The following LRRC4C variants were observed in gnomAD, a reference collection of about 807,000 sequenced individuals.
LRRC4C encodes the protein leucine rich repeat containing 4C, also known as leucine-rich repeat-containing protein 4C.
Under a neutral mutation model 33.6 loss-of-function variants are expected in LRRC4C, and 5 were observed. That is an observed-to-expected ratio of 0.15 (90% CI 0.08 to 0.31). LRRC4C has a LOEUF of 0.31. Ranked by LOEUF, LRRC4C falls within the 10% of genes least tolerant of loss-of-function variation. The pLI, the probability that LRRC4C is intolerant of heterozygous loss-of-function variation, is 1.00. For synonymous variants in LRRC4C, 329 were observed against 302.0 expected, an observed-to-expected ratio of 1.09 and a Z score of -0.93; for missense variants, 560 against 796.7, an observed-to-expected ratio of 0.70 and a Z score of 3.58.
chr11:40,766,067 A>C (rs531735373), intron 2 of LRRC4C, among the ~76,000 whole-genome samples: 25 of 136,370 alleles, frequency 1.8e-4, no homozygotes, highest in African/African-American at 6.7e-4. Context: ...TAAAGAAAAG[A>C]TCCTAAAAGC....
At chr11:41,062,595 A>G (rs2135373930) in intron 1 of LRRC4C, among the ~76,000 whole-genome samples, 1 of 152,342 alleles carries the variant, frequency 6.6e-6, no homozygotes, top group East Asian at 1.9e-4. Context: ...ATGAGCAGAA[A>G]TGCACGGTCC....
At chr11:40,562,194 T>C (rs935270309) in intron 3 of LRRC4C, among the ~76,000 whole-genome samples, 5 of 152,220 alleles carry the variant, frequency 3.3e-5, no homozygotes, top group Non-Finnish European at 5.9e-5. Flanking sequence ...CCATGTTCCA[T>C]AACAAATGTT....
At chr11:40,675,126 G>C (rs888912869) in intron 2 of LRRC4C, among the ~76,000 whole-genome samples, 2 of 152,024 alleles carry the variant, frequency 1.3e-5, no homozygotes, top group Non-Finnish European at 2.9e-5. Context: ...ATTTAATGAA[G>C]CATGAATTTT....
In LRRC4C at chr11:40,859,831, C is replaced by T. The variant is rs372291598; in HGVS notation, c.-407+73804G>A. ...GTGGCTCACGCCTGTAATCCCAGCACTTTGGGAGGCCGAGGCGGGCGGATC... is the reference window on the plus strand; with the variant it reads ...GTGGCTCACGCCTGTAATCCCAGCATTTTGGGAGGCCGAGGCGGGCGGATC... On this transcript the variant is annotated intron_variant, in intron 2 of 6. Transcript: ENST00000528697. Among the ~76,000 whole-genome samples the T allele has an allele frequency of 1.8e-4, 28 of 152,276 alleles. No homozygotes were observed. In the South Asian group the frequency reaches 4.8e-3, roughly 26 times the overall value.
intron 3 of LRRC4C, among the ~76,000 whole-genome samples, chr11:40,500,850 A>C (rs1485274968): frequency 6.6e-6 from 1 of 152,112 alleles, no homozygotes; most frequent in Non-Finnish European, 1.5e-5. Context: ...CCAAAGTCTT[A>C]ATTCACCTCA....
At chr11:41,441,614 T>A (rs1423892477) in intron 1 of LRRC4C, among the ~76,000 whole-genome samples, 4 of 139,926 alleles carry the variant, frequency 2.9e-5, no homozygotes, top group African/African-American at 5.2e-5. Context: ...TTTTTCCAGT[T>A]AAAAAAAAAA....
intron 1 of LRRC4C, among the ~76,000 whole-genome samples, chr11:40,957,069 G>A (rs889764945): frequency 1.3e-5 from 2 of 151,758 alleles, no homozygotes; most frequent in South Asian, 2.1e-4. Context: ...TCACAAAATC[G>A]GGAATAAGAC....
intron 1 of LRRC4C, among the ~76,000 whole-genome samples, chr11:41,306,035 A>AG: frequency 8.4e-6 from 1 of 118,482 alleles, no homozygotes; most frequent in East Asian, 2.1e-4. Flanking sequence ...AAAAAAAAAA[A>AG]AAAAAGAAAG....
chr11:41,262,237 G>A (rs1949006144), intron 1 of LRRC4C, among the ~76,000 whole-genome samples: 3 of 151,834 alleles, frequency 2.0e-5, no homozygotes, highest in South Asian at 2.1e-4. Context: ...ACACAGATAT[G>A]CCCATTCATT....
chr11:40,627,074 GTTT>G (rs33969300), intron 3 of LRRC4C, among the ~76,000 whole-genome samples: 2,220 of 112,436 alleles, frequency 0.02, 43 homozygotes, highest in African/African-American at 0.061. Context: ...CAGCTATACT[GTTT>G]TTTTTTTTTT....
chr11:41,039,526 C>A (rs550775968), intron 1 of LRRC4C, among the ~76,000 whole-genome samples: 264 of 152,234 alleles, frequency 1.7e-3, no homozygotes, highest in Admixed American at 3.9e-3. Flanking sequence ...TAATAATGAA[C>A]TCTTGGCCTA....
chr11:40,311,925 C>T (rs1417535708), intron 4 of LRRC4C, among the ~76,000 whole-genome samples: 1 of 124,276 alleles, frequency 8.0e-6, no homozygotes, highest in Non-Finnish European at 1.6e-5. Context: ...AGCCTGGAGA[C>T]AGAGTGAGAC....
At chr11:40,684,675 G>A (rs1944870315) in intron 2 of LRRC4C, among the ~76,000 whole-genome samples, 1 of 151,560 alleles carries the variant, frequency 6.6e-6, no homozygotes, top group Non-Finnish European at 1.5e-5. Context: ...GAATTTATTT[G>A]CAATTTACCA....
At chr11:40,717,990 G>T (rs773324654) in intron 2 of LRRC4C, among the ~76,000 whole-genome samples, 2 of 152,198 alleles carry the variant, frequency 1.3e-5, no homozygotes, top group Non-Finnish European at 2.9e-5. Flanking sequence ...GTGTGCATGT[G>T]TGTGTATGTC....
At chr11:41,105,677 C>G (rs1455716582) in intron 1 of LRRC4C, among the ~76,000 whole-genome samples, 1 of 152,020 alleles carries the variant, frequency 6.6e-6, no homozygotes, top group African/African-American at 2.4e-5. Context: ...CAGGTAAATG[C>G]AGTGGCATCA....
At chr11:40,258,532 G>A (rs2136234508) in intron 4 of LRRC4C, among the ~76,000 whole-genome samples, 1 of 152,226 alleles carries the variant, frequency 6.6e-6, no homozygotes, top group Non-Finnish European at 1.5e-5. Flanking sequence ...ATCATTGGCA[G>A]GCTCTAGCAA....
chr11:40,494,521 C>G (rs1404006643), intron 3 of LRRC4C, among the ~76,000 whole-genome samples: 1 of 152,020 alleles, frequency 6.6e-6, no homozygotes, highest in Non-Finnish European at 1.5e-5. Context: ...AATAAATTAT[C>G]TCATTTATGC....
At chr11:40,318,151 C>T (rs1945668655) in intron 4 of LRRC4C, among the ~76,000 whole-genome samples, 1 of 152,078 alleles carries the variant, frequency 6.6e-6, no homozygotes, top group South Asian at 2.1e-4. Context: ...GATATCACCT[C>T]CCAGATAGTA....
intron 3 of LRRC4C, among the ~76,000 whole-genome samples, chr11:40,386,758 G>A (rs951502395): frequency 6.6e-6 from 1 of 152,062 alleles, no homozygotes; most frequent in African/African-American, 2.4e-5. Flanking sequence ...TATAAACTCT[G>A]TATAAATGTA....
Sources: allele counts gnomAD v4.1 joint callset (sites outside exome capture counted in the v4.1 genomes callset), GRCh38; gene constraint gnomAD v4.1.1; transcripts MANE v1.5; gene names NCBI Gene and HGNC (gene_info 2026-07-23, HGNC 2026-07-21).